The following MAST2 variants were observed in gnomAD, a reference collection of about 807,000 sequenced individuals.
The protein encoded by MAST2 is microtubule associated serine/threonine kinase 2.
MAST2 carries 70 observed loss-of-function variants against 147.4 expected under a neutral mutation model. That is an observed-to-expected ratio of 0.47 (90% CI 0.39 to 0.58). MAST2 has a LOEUF of 0.58. MAST2 is among the 20% of genes least tolerant of loss of function. The pLI is 0.00. For missense variants in MAST2, 2,080 were observed against 2,302.3 expected (o/e 0.90, Z 1.98); for synonymous variants, 869 against 896.8 (o/e 0.97, Z 0.55).
chr1:46,021,798 G>A (rs1047393829), intron 11 of MAST2, 152 bp from the exon 12 acceptor site: 2 of 747,824 alleles, frequency 2.7e-6, no homozygotes, highest in Non-Finnish European at 4.5e-6. Context: ...TGTGATCCCT[G>A]AATCATGTTG....
chr1:46,027,653 G>A (rs1303991678), intron 16 of MAST2, 78 bp from the exon 17 acceptor site: 2 of 1,491,996 alleles, frequency 1.3e-6, no homozygotes, highest in Non-Finnish European at 1.8e-6. Context: ...CCTGAGTGGG[G>A]AAACTGGGCA....
chr1:45,960,315 C>T (rs1660240579), intron 5 of MAST2, among the ~76,000 whole-genome samples: 1 of 152,040 alleles, frequency 6.6e-6, no homozygotes, highest in Non-Finnish European at 1.5e-5. Flanking sequence ...TTGAGACCAG[C>T]CTGGGCAACA....
chr1:45,814,483 T>G, intron 1 of MAST2, among the ~76,000 whole-genome samples: 1 of 152,296 alleles, frequency 6.6e-6, no homozygotes, highest in Middle Eastern at 3.4e-3. Flanking sequence ...GAAAATTTTT[T>G]TAATAGAAGA....
intron 5 of MAST2, among the ~76,000 whole-genome samples, chr1:45,970,167 T>C (rs1643863573): frequency 6.6e-6 from 1 of 152,218 alleles, no homozygotes; most frequent in South Asian, 2.1e-4. Flanking sequence ...GCTGGAATCA[T>C]GAGATTTTCT....
In MAST2 at chr1:46,035,164, CG is replaced by C; in HGVS notation, c.4496del (p.Arg1499LeufsTer23). The C allele has an allele frequency of 6.2e-7, 1 of 1,613,920 alleles. No homozygotes were observed. Among genetic ancestry groups the C allele is most frequent in the Non-Finnish European group, 8.5e-7 (1 of 1,180,020 alleles). On this transcript the variant is annotated frameshift_variant, in exon 29 of 29. Transcript: ENST00000361297. LOFTEE classifies it low-confidence loss of function (END_TRUNC). This position sits in a 1 kb window ranked among gnomAD's most constrained non-coding sequence, Gnocchi z 5.5. ...GTCGCTGCAGAAGCAAGAAGCCATT[CG>C]TGAGGTGGACTCCTCAGAGGACGAC... is the stretch of plus-strand genomic sequence containing the variant. ...RESLQKQEAI[R>X]EVDSSEDDTE...
intron 4 of MAST2, among the ~76,000 whole-genome samples, chr1:45,952,107 G>C (rs765273720): frequency 1.3e-5 from 2 of 152,224 alleles, no homozygotes; most frequent in Non-Finnish European, 2.9e-5. Flanking sequence ...ATATGTTCAT[G>C]CAAAAACTTG....
chr1:45,917,615 G>T, intron 4 of MAST2: 1 of 995,654 alleles, frequency 1.0e-6, no homozygotes, highest in Non-Finnish European at 1.4e-6. Context: ...CCTTAATAAT[G>T]GGGAGAAATG....
At chr1:45,861,497 A>T (rs529425463) in intron 3 of MAST2, among the ~76,000 whole-genome samples, 1 of 152,148 alleles carries the variant, frequency 6.6e-6, no homozygotes, top group South Asian at 2.1e-4. Flanking sequence ...AATAGCTATA[A>T]TGTGGAAGCT....
intron 21 of MAST2, 157 bp from the exon 22 acceptor site, chr1:46,030,450 G>A (rs1364730891): frequency 1.0e-6 from 1 of 953,674 alleles, no homozygotes; most frequent in East Asian, 2.6e-5. Flanking sequence ...TCAGATCAGT[G>A]GAATAACTCC....
At chr1:45,815,650 C>T (rs1357608676) in intron 1 of MAST2, among the ~76,000 whole-genome samples, 1 of 152,100 alleles carries the variant, frequency 6.6e-6, no homozygotes, top group Non-Finnish European at 1.5e-5. Context: ...GAAAGTGATA[C>T]TTTGTGACTA....
intron 5 of MAST2, among the ~76,000 whole-genome samples, chr1:45,995,120 G>A (rs1413262860): frequency 2.0e-5 from 3 of 152,042 alleles, no homozygotes; most frequent in Non-Finnish European, 2.9e-5. Flanking sequence ...GATTACGGGC[G>A]TGAGCCACCA....
At chr1:45,805,051 C>CCTT (rs1179981815) in intron 1 of MAST2, among the ~76,000 whole-genome samples, 103 of 43,864 alleles carry the variant, frequency 2.3e-3, no homozygotes, top group Middle Eastern at 0.012. Context: ...TTTCCTTAGA[C>CCTT]ATTTTTTTTT....
At position 45,921,778 on chromosome 1, in the gene MAST2, G is replaced by GCTCTTCTCTCCTTCT. The variant is rs76148312; in HGVS notation, c.501-37592_501-37578dup. ...GGTCTGGTCTCTCCAAAGGGCTGCA[G>GCTCTTCTCTCCTTCT]CTCTTCTCTCCTTCTCTCTTCTCTC... On this transcript the variant is annotated intron_variant, in intron 4 of 28. Coordinates refer to ENST00000361297, the MANE Select transcript of MAST2 (RefSeq NM_015112.3). Among the ~76,000 whole-genome samples the GCTCTTCTCTCCTTCT allele has an allele frequency of 4.3e-3, 660 of 152,306 alleles. 1 individual carries two copies. The highest frequency in any genetic ancestry group is 5.9e-3 in the Non-Finnish European group (402 of 68,020).
At chr1:45,929,743 A>G (rs1279774782) in intron 4 of MAST2, among the ~76,000 whole-genome samples, 1 of 152,204 alleles carries the variant, frequency 6.6e-6, no homozygotes, top group Non-Finnish European at 1.5e-5. Context: ...TTGACACAGA[A>G]GAATTAATTT....
intron 16 of MAST2, among the ~76,000 whole-genome samples, chr1:46,026,615 C>G (rs1022685149): frequency 4.3e-4 from 65 of 151,876 alleles, no homozygotes; most frequent in Non-Finnish European, 1.2e-4. Flanking sequence ...CAGGGAAAGA[C>G]AGCAATGCCT....
At chr1:45,941,179 A>T (rs1657203964) in intron 4 of MAST2, among the ~76,000 whole-genome samples, 2 of 152,148 alleles carry the variant, frequency 1.3e-5, no homozygotes, top group Non-Finnish European at 2.9e-5. Context: ...CAATTCATAT[A>T]ATCAGTTTTT....
chr1:45,920,916 G>A (rs1284768027), intron 4 of MAST2, among the ~76,000 whole-genome samples: 1 of 152,150 alleles, frequency 6.6e-6, no homozygotes, highest in East Asian at 1.9e-4. Context: ...GTAGTACAGA[G>A]AAGTTAAGGA....
chr1:45,819,306 T>C (rs1421461568), intron 1 of MAST2, among the ~76,000 whole-genome samples: 1 of 150,882 alleles, frequency 6.6e-6, no homozygotes, highest in African/African-American at 2.4e-5. Context: ...ATTCTAATCA[T>C]GCAAACCACC....
chr1:45,822,433 C>T (rs1198137141), intron 1 of MAST2, among the ~76,000 whole-genome samples: 1 of 152,038 alleles, frequency 6.6e-6, no homozygotes, highest in South Asian at 2.1e-4. Flanking sequence ...TTCTCCTCTC[C>T]TCTGTTATCT....
Sources: gnomAD v4.1 joint callset for allele counts (sites outside exome capture counted in the v4.1 genomes callset) on GRCh38, gnomAD v4.1.1 for gene constraint, Gnocchi (gnomAD v3.1) non-coding constraint, MANE v1.5 for transcripts, NCBI Gene and HGNC (gene_info 2026-07-23, HGNC 2026-07-21) for gene names.